Variants in PCDH9 observed in about 807,000 individuals in gnomAD.
The protein encoded by PCDH9 is protocadherin 9, also known as protocadherin-9.
Under a neutral mutation model 70.6 loss-of-function variants are expected in PCDH9, and 24 were observed. The ratio of observed to expected loss-of-function variants is 0.34; its 90% CI spans 0.25 to 0.48. The LOEUF (loss-of-function observed/expected upper bound fraction) is 0.48, where lower values mean the gene tolerates loss of function less well. PCDH9 is among the 20% of genes least tolerant of loss of function. The pLI is 0.99. For missense variants in PCDH9, 1,281 were observed against 1,503.6 expected (o/e 0.85, Z 2.45); for synonymous variants, 562 against 558.5 (o/e 1.01, Z -0.09).
At chr13:66,792,619 A>T (rs954784272) in intron 3 of PCDH9, among the ~76,000 whole-genome samples, 1 of 152,204 alleles carries the variant, frequency 6.6e-6, no homozygotes, top group Non-Finnish European at 1.5e-5. Context: ...CAGTGAGTCA[A>T]GATGGTGCCA....
intron 2 of PCDH9, among the ~76,000 whole-genome samples, chr13:66,975,836 T>C (rs937635432): frequency 7.2e-5 from 11 of 152,032 alleles, no homozygotes; most frequent in African/African-American, 2.7e-4. Context: ...GCAATATATT[T>C]ATACACCAAG....
chr13:66,503,545 G>T (rs1959188309), intron 4 of PCDH9, among the ~76,000 whole-genome samples: 2 of 151,988 alleles, frequency 1.3e-5, no homozygotes, highest in Non-Finnish European at 2.9e-5. Context: ...TTGTAAAAGA[G>T]AGCATGAAAG....
intron 4 of PCDH9, among the ~76,000 whole-genome samples, chr13:66,326,479 C>T (rs1037486734): frequency 2.0e-5 from 3 of 151,880 alleles, no homozygotes; most frequent in African/African-American, 4.8e-5. Context: ...AGTGCAGTGG[C>T]GCGATCTCGG....
chr13:66,997,782 C>CG (rs2084152028), intron 2 of PCDH9, among the ~76,000 whole-genome samples: 1 of 152,158 alleles, frequency 6.6e-6, no homozygotes, highest in Non-Finnish European at 1.5e-5. Flanking sequence ...ATCCGCCTGC[C>CG]TTGGCCTCCC....
At chr13:66,925,284 AACTT>A (rs1369943827) in intron 2 of PCDH9, among the ~76,000 whole-genome samples, 6 of 151,540 alleles carry the variant, frequency 4.0e-5, no homozygotes. Flanking sequence ...TAGTGAAAAT[AACTT>A]ACTTCCCCAT....
At chr13:66,454,913 A>T (rs1015639895) in intron 4 of PCDH9, among the ~76,000 whole-genome samples, 7 of 152,148 alleles carry the variant, frequency 4.6e-5, no homozygotes, top group Non-Finnish European at 1.0e-4. Context: ...CCTGGCAAAA[A>T]TTATCAAATT....
At chr13:66,375,383 G>A (rs981228006) in intron 4 of PCDH9, among the ~76,000 whole-genome samples, 5 of 151,328 alleles carry the variant, frequency 3.3e-5, no homozygotes, top group Admixed American at 6.6e-5. Flanking sequence ...CTTTTTACTC[G>A]TCCTCAAAAC....
At chr13:66,326,003 A>T (rs1444189459) in intron 4 of PCDH9, among the ~76,000 whole-genome samples, 1 of 152,076 alleles carries the variant, frequency 6.6e-6, no homozygotes, top group Non-Finnish European at 1.5e-5. Flanking sequence ...CAGGTACATT[A>T]TTCCTCTCAT....
chr13:66,899,867 C>A (rs536731260), intron 3 of PCDH9, among the ~76,000 whole-genome samples: 1 of 152,010 alleles, frequency 6.6e-6, no homozygotes, highest in Middle Eastern at 3.4e-3. Context: ...AAATTCCACA[C>A]CATTTTTAAA....
intron 3 of PCDH9, among the ~76,000 whole-genome samples, chr13:66,692,617 A>G (rs1012674588): frequency 1.3e-5 from 2 of 152,102 alleles, no homozygotes; most frequent in African/African-American, 4.8e-5. Flanking sequence ...AATTCACTTA[A>G]GCTGCTTCTA....
intron 2 of PCDH9, among the ~76,000 whole-genome samples, chr13:67,195,215 A>G (rs143799087): frequency 0.011 from 1,718 of 151,066 alleles, 24 homozygotes; most frequent in Middle Eastern, 0.059. Flanking sequence ...GCGCGATCTC[A>G]GCTCACTGCA....
At chr13:67,174,314 G>GATAC (rs75349589) in intron 2 of PCDH9, among the ~76,000 whole-genome samples, 20,740 of 149,396 alleles carry the variant, frequency 0.14, 1,590 homozygotes, top group East Asian at 0.21. Context: ...TAGATAGATA[G>GATAC]ATACATACAT....
intron 2 of PCDH9, among the ~76,000 whole-genome samples, chr13:67,162,945 A>G (rs550001800): frequency 6.6e-6 from 1 of 152,210 alleles, no homozygotes; most frequent in Non-Finnish European, 1.5e-5. Flanking sequence ...GGTGAAAATC[A>G]TGTATGTACT....
chr13:66,775,036 T>G (rs991719974), intron 3 of PCDH9, among the ~76,000 whole-genome samples: 5 of 152,238 alleles, frequency 3.3e-5, no homozygotes, highest in Non-Finnish European at 7.3e-5. Context: ...CCATTTTTTA[T>G]GCTGATTACT....
At chr13:67,084,997 A>ATATAT (rs1375127521) in intron 2 of PCDH9, among the ~76,000 whole-genome samples, 4 of 33,170 alleles carry the variant, frequency 1.2e-4, no homozygotes, top group Admixed American at 5.3e-4. Flanking sequence ...AAAAAAAAAA[A>ATATAT]ATATATATAT....
chr13:66,643,950 G>A (rs1593828544), intron 3 of PCDH9, among the ~76,000 whole-genome samples: 1 of 151,924 alleles, frequency 6.6e-6, no homozygotes, highest in Admixed American at 6.6e-5. Context: ...GGAACTTACT[G>A]TCTAACACAA....
At chr13:66,652,004 G>A (rs753952033) in intron 3 of PCDH9, among the ~76,000 whole-genome samples, 2 of 151,888 alleles carry the variant, frequency 1.3e-5, no homozygotes. Context: ...GAGAAATAAC[G>A]TACCGCAATA....
chr13:66,842,748 T>C (rs951748449), intron 3 of PCDH9, among the ~76,000 whole-genome samples: 1 of 152,176 alleles, frequency 6.6e-6, no homozygotes, highest in East Asian at 1.9e-4. Flanking sequence ...TTTTGGGTAA[T>C]GGGAATTCAA....
chr13:66,917,362 T>C (rs769362979), intron 2 of PCDH9, among the ~76,000 whole-genome samples: 10 of 151,534 alleles, frequency 6.6e-5, no homozygotes, highest in African/African-American at 9.7e-5. Flanking sequence ...TTTTTTACCA[T>C]CTTTGAGAAG....
Sources: allele counts gnomAD v4.1 joint callset (sites outside exome capture counted in the v4.1 genomes callset), GRCh38; gene constraint gnomAD v4.1.1; transcripts MANE v1.5; gene names NCBI Gene and HGNC (gene_info 2026-07-23, HGNC 2026-07-21).